CNBD1: variants seen among roughly 807,000 people sequenced by gnomAD.
The protein encoded by CNBD1 is cyclic nucleotide binding domain containing 1.
A neutral mutation model predicts 54.4 loss-of-function variants in CNBD1; 71 were observed. The observed-to-expected ratio is 1.30, with a 90% CI of 1.08 to 1.59. The LOEUF is 1.59. Among genes scored for constraint, CNBD1 ranks in the 40% most tolerant of loss-of-function variants. The pLI, the probability that CNBD1 is intolerant of heterozygous loss-of-function variation, is 0.00. For synonymous variants in CNBD1, 182 were observed against 170.7 expected (o/e 1.07, Z -0.51); for missense variants, 659 against 518.0 (o/e 1.27, Z -2.64).
rs140939314 is a variant in CNBD1 at position 87,366,203 on chromosome 8, G to A, written c.1303+12417G>A. On this transcript the variant is annotated intron_variant, in intron 10 of 10. Transcript: ENST00000518476. ...CAGATGTCTGGGCTGGTTCAACTGC[G>A]TTCTATTCTTAGAGTTTCACATGGC... 5.1e-3 allele frequency among the ~76,000 whole-genome samples: 776 copies of A among 152,134 alleles called. 6 individuals carry two copies. Among genetic ancestry groups the A allele is most frequent in the African/African-American group, 0.018 (732 of 41,556 alleles).
chr8:87,403,659 G>T (rs1223443722), intron 2 of CNBD1, among the ~76,000 whole-genome samples: 1 of 151,808 alleles, frequency 6.6e-6, no homozygotes, highest in Non-Finnish European at 1.5e-5. Context: ...AAGGGAAGTA[G>T]CTTTTTTAAA....
At chr8:86,885,935 A>G (rs78832317) in intron 1 of CNBD1, among the ~76,000 whole-genome samples, 3,173 of 152,276 alleles carry the variant, frequency 0.021, 107 homozygotes, top group African/African-American at 0.073. Flanking sequence ...TAATCCTTCT[A>G]TTCTTTGCTA....
At chr8:87,040,891 GC>G (rs1381975911) in intron 4 of CNBD1, among the ~76,000 whole-genome samples, 4 of 151,678 alleles carry the variant, frequency 2.6e-5, no homozygotes, top group African/African-American at 9.7e-5. Flanking sequence ...TCATTAGGAA[GC>G]ATTCCTCCCA....
chr8:86,985,853 C>T (rs1271103347), intron 4 of CNBD1, among the ~76,000 whole-genome samples: 1 of 152,152 alleles, frequency 6.6e-6, no homozygotes, highest in Non-Finnish European at 1.5e-5. Context: ...ACAGCCTCAC[C>T]AGTACCTGTT....
At chr8:87,072,287 C>T (rs1022687594) in intron 4 of CNBD1, among the ~76,000 whole-genome samples, 2 of 151,808 alleles carry the variant, frequency 1.3e-5, no homozygotes, top group Non-Finnish European at 1.5e-5. Flanking sequence ...GTCTTTTAAC[C>T]AGTTGTCCTA....
chr8:87,200,418 G>A (rs1813833694), intron 4 of CNBD1, among the ~76,000 whole-genome samples: 1 of 151,938 alleles, frequency 6.6e-6, no homozygotes, highest in Non-Finnish European at 1.5e-5. Context: ...TAACATACTT[G>A]AAGTGCTAAA....
chr8:87,237,038 C>T lies in CNBD1; in HGVS notation c.697C>T (p.His233Tyr), dbSNP rs1403298132. ...SPDSFISQSF[H>Y]SFIWSEEFKN... ...AGACTCGTTCATATCTCAGAGTTTCCACAGCTTCATTTGGAGTGAAGAATT... is the reference window on the plus strand; with the variant it reads ...AGACTCGTTCATATCTCAGAGTTTCTACAGCTTCATTTGGAGTGAAGAATT... The change falls in exon 6 of 11, where the codon CAC (histidine) becomes TAC (tyrosine). Residue 233 changes from histidine to tyrosine, a missense_variant. Physicochemically the swap from His to Tyr is moderately conservative, Grantham distance 83. Coordinates refer to ENST00000518476, the MANE Select transcript of CNBD1 (RefSeq NM_173538.3). 12 of 1,611,848 alleles carry T rather than the reference C, an allele frequency of 7.4e-6. No homozygotes were observed. The South Asian group carries it at 8.8e-5, about 12-fold the overall frequency.
intron 1 of CNBD1, among the ~76,000 whole-genome samples, chr8:86,887,248 T>C (rs1434603441): frequency 6.6e-6 from 1 of 152,192 alleles, no homozygotes; most frequent in Non-Finnish European, 1.5e-5. Context: ...GGATTCTGCA[T>C]GGCTTGCTTT....
Position 87,347,734 on chromosome 8 carries a change from G to T in CNBD1, c.1043-3951G>T, listed in dbSNP as rs558740193. ...TGGATAATCTCTTCTTCCTTGATCT[G>T]TAGATGGCTCCATAGACATAGCATT... On this transcript the variant is annotated intron_variant, in intron 8 of 10. Coordinates refer to ENST00000518476, the MANE Select transcript of CNBD1 (RefSeq NM_173538.3). 3.3e-5 allele frequency among the ~76,000 whole-genome samples: 5 copies of T among 152,234 alleles called. No homozygotes were observed. In the South Asian group the frequency reaches 6.2e-4, roughly 19 times the overall value.
intron 4 of CNBD1, among the ~76,000 whole-genome samples, chr8:87,158,890 A>G (rs1336919318): frequency 6.6e-6 from 1 of 152,206 alleles, no homozygotes; most frequent in Non-Finnish European, 1.5e-5. Flanking sequence ...TGCAAGCGAC[A>G]TCATGCAGAA....
rs1284708131 is a variant in CNBD1, at chr8:87,301,896, G to A, written c.1042+15225G>A. On this transcript the variant is annotated intron_variant, in intron 8 of 10. Transcript: ENST00000518476. ...TAAACTAGAAAATCTAGAAGAAATGGATAAATTCCTCGACACATATACCCG... is the reference window on the plus strand; with the variant it reads ...TAAACTAGAAAATCTAGAAGAAATGAATAAATTCCTCGACACATATACCCG... 3.3e-5 allele frequency among the ~76,000 whole-genome samples: 5 copies of A among 152,130 alleles called. No individual in the cohort carries two copies. The East Asian group carries it at 9.6e-4, about 29-fold the overall frequency.
Position 86,994,454 on chromosome 8 carries a change from G to C in CNBD1, c.431+54700G>C, listed in dbSNP as rs979267806. ...CTGGGGCTAGAGCTAATTGGAGAGAGATGTGGAATCCTGGGGGATAGGGTG... is the reference window on the plus strand; with the variant it reads ...CTGGGGCTAGAGCTAATTGGAGAGACATGTGGAATCCTGGGGGATAGGGTG... On this transcript the variant is annotated intron_variant, in intron 4 of 10. Transcript: ENST00000518476. Among the ~76,000 whole-genome samples, 4 of 152,244 alleles carry C rather than the reference G, an allele frequency of 2.6e-5. No homozygotes were observed. The South Asian group carries it at 6.2e-4, about 24-fold the overall frequency.
intron 4 of CNBD1, among the ~76,000 whole-genome samples, chr8:86,981,881 A>T (rs938851668): frequency 6.6e-6 from 1 of 152,170 alleles, no homozygotes; most frequent in African/African-American, 2.4e-5. Context: ...GGACAATTTT[A>T]TGTGGACATC....
At chr8:86,951,174 G>GA (rs1278994386) in intron 4 of CNBD1, among the ~76,000 whole-genome samples, 1 of 152,038 alleles carries the variant, frequency 6.6e-6, no homozygotes, top group African/African-American at 2.4e-5. Flanking sequence ...TAAGCTAAAA[G>GA]AAAAATTATT....
At chr8:87,127,270 G>A (rs1439778024) in intron 4 of CNBD1, among the ~76,000 whole-genome samples, 1 of 151,956 alleles carries the variant, frequency 6.6e-6, no homozygotes, top group African/African-American at 2.4e-5. Context: ...TTAATACTGT[G>A]GAGATTTCCA....
intron 3 of CNBD1, among the ~76,000 whole-genome samples, chr8:86,910,144 A>G (rs1809078096): frequency 6.6e-6 from 1 of 152,128 alleles, no homozygotes; most frequent in African/African-American, 2.4e-5. Flanking sequence ...ATTGGACTCA[A>G]AGGAACATAA....
intron 4 of CNBD1, among the ~76,000 whole-genome samples, chr8:87,176,271 T>C (rs750725762): frequency 6.6e-6 from 1 of 152,190 alleles, no homozygotes; most frequent in Non-Finnish European, 1.5e-5. Context: ...TGAGGATGAT[T>C]GGTGGGGCCA....
intron 4 of CNBD1, among the ~76,000 whole-genome samples, chr8:87,006,890 A>G (rs1809110472): frequency 6.6e-6 from 1 of 152,250 alleles, no homozygotes; most frequent in Non-Finnish European, 1.5e-5. Context: ...ACGTAATTGA[A>G]CATTGTACAA....
At chr8:87,278,492 A>G (rs1808528437) in intron 6 of CNBD1, among the ~76,000 whole-genome samples, 1 of 151,658 alleles carries the variant, frequency 6.6e-6, no homozygotes, top group Admixed American at 6.6e-5. Context: ...AATGCCAGAG[A>G]ACAATAACAT....
Sources: gnomAD v4.1 joint callset for allele counts (sites outside exome capture counted in the v4.1 genomes callset) on GRCh38, gnomAD v4.1.1 for gene constraint, MANE v1.5 for transcripts, NCBI Gene and HGNC (gene_info 2026-07-23, HGNC 2026-07-21) for gene names.